The following NCOA1 variants were observed in gnomAD, a reference collection of about 807,000 sequenced individuals.
NCOA1 encodes Hin-2 protein.
NCOA1 carries 35 observed loss-of-function variants against 150.9 expected under a neutral mutation model. The observed-to-expected ratio is 0.23, with a 90% CI of 0.18 to 0.31. The LOEUF (loss-of-function observed/expected upper bound fraction) is 0.31. Ranked by LOEUF, NCOA1 falls within the 10% of genes least tolerant of loss-of-function variation. The pLI is 1.00. For missense variants in NCOA1, 1,491 were observed against 1,749.3 expected, an observed-to-expected ratio of 0.85 and a Z score of 2.63; for synonymous variants, 590 against 630.0, an observed-to-expected ratio of 0.94 and a Z score of 0.95.
At position 24,697,739 on chromosome 2, in the gene NCOA1, A is replaced by G. The variant is rs1389804437; in HGVS notation, c.890A>G (p.Tyr297Cys). Residue 297 changes from tyrosine (Y) to cysteine (C), a missense_variant, in exon 11 of 23, where the codon TAT (tyrosine) becomes TGT (cysteine). Physicochemically the swap from Tyr to Cys is radical, Grantham distance 194. Around this residue, in one of 8 missense-constraint regions of NCOA1, gnomAD observed 25 missense variants for 66.1 expected, o/e 0.38. Coordinates refer to ENST00000348332, the MANE Select transcript of NCOA1 (RefSeq NM_003743.5). ...GAAGATTTAGTGAGGAAGTGCATTT[A>G]TGCTTTTTTCCAACCTCAGGGCAGA... ...GWEDLVRKCI[Y>C]AFFQPQGREP... 6.2e-7 allele frequency: 1 copy of G among 1,613,800 alleles called. No homozygotes were observed. The highest frequency in any genetic ancestry group is 8.5e-7 in the Non-Finnish European group (1 of 1,179,756).
At chr2:24,621,411 GT>G (rs11312003) in intron 3 of NCOA1, among the ~76,000 whole-genome samples, 111,466 of 132,098 alleles carry the variant, frequency 0.84, 46,863 homozygotes, top group East Asian at 0.99. Flanking sequence ...CATTTTTTGT[GT>G]TATGTGTGTA....
At chr2:24,560,300 T>C (rs1193392060) in intron 1 of NCOA1, among the ~76,000 whole-genome samples, 6 of 152,136 alleles carry the variant, frequency 3.9e-5, no homozygotes, top group Non-Finnish European at 7.4e-5. Context: ...ACAGTTTGTG[T>C]GTAGTCTTTC....
intron 7 of NCOA1, among the ~76,000 whole-genome samples, chr2:24,681,188 A>T (rs1263019182): frequency 6.6e-6 from 1 of 151,974 alleles, no homozygotes; most frequent in Non-Finnish European, 1.5e-5. Context: ...ACATGGTAAA[A>T]CCCCATCTCT....
At chr2:24,524,070 TA>T (rs1664553768) in intron 1 of NCOA1, among the ~76,000 whole-genome samples, 1 of 151,968 alleles carries the variant, frequency 6.6e-6, no homozygotes, top group Non-Finnish European at 1.5e-5. Flanking sequence ...TGACAAATGA[TA>T]AACTTTGCAC....
intron 19 of NCOA1, among the ~76,000 whole-genome samples, chr2:24,751,350 A>G (rs1327144950): frequency 6.6e-6 from 1 of 150,640 alleles, no homozygotes; most frequent in East Asian, 2.0e-4. Flanking sequence ...TGGGAGGCCA[A>G]GGCGGGTGGA....
intron 2 of NCOA1, among the ~76,000 whole-genome samples, chr2:24,581,178 A>G (rs970197645): frequency 2.0e-5 from 3 of 152,182 alleles, no homozygotes; most frequent in African/African-American, 7.2e-5. Flanking sequence ...TGATGGTGAA[A>G]GGCCTGACTC....
intron 16 of NCOA1, 65 bp downstream of exon 16, chr2:24,728,541 C>A: frequency 7.0e-7 from 1 of 1,433,170 alleles, no homozygotes; most frequent in Non-Finnish European, 9.5e-7. Context: ...TTATTTTAAG[C>A]AAGATTTTAA....
Position 24,768,439 on chromosome 2 carries a change from T to A in NCOA1, c.*48T>A. ...TTTAAATAATAGACATACAGAGATA[T>A]ACAAATATATTATATATTTTTCTGA... is the stretch of plus-strand genomic sequence containing the variant. On this transcript the variant is annotated 3_prime_UTR_variant, in exon 23 of 23. Transcript: ENST00000348332. 1 of 1,222,286 alleles carries A rather than the reference T, an allele frequency of 8.2e-7. No homozygotes were observed. The highest frequency in any genetic ancestry group is 1.1e-6 in the Non-Finnish European group (1 of 943,706). 75.7% of individuals were successfully genotyped at this position (1,222,286 alleles called of 1,614,324 possible).
At chr2:24,611,405 G>C (rs527731119) in intron 3 of NCOA1, among the ~76,000 whole-genome samples, 10 of 152,116 alleles carry the variant, frequency 6.6e-5, no homozygotes, top group Middle Eastern at 3.2e-3. Flanking sequence ...TGCAGTGAAC[G>C]TAAGAGTACA....
At chr2:24,767,953 A>G (rs1012766371) in intron 22 of NCOA1, 3 of 845,328 alleles carry the variant, frequency 3.5e-6, no homozygotes, top group Non-Finnish European at 5.7e-6. Flanking sequence ...ATTAGCAATG[A>G]TACTCACTTT....
chr2:24,533,161 C>T (rs989264417), intron 1 of NCOA1, among the ~76,000 whole-genome samples: 3 of 152,080 alleles, frequency 2.0e-5, no homozygotes, highest in East Asian at 1.9e-4. Context: ...TTGAAGAGGT[C>T]CTTCACATCC....
chr2:24,595,734 T>G (rs1204076315), intron 3 of NCOA1, among the ~76,000 whole-genome samples: 1 of 152,082 alleles, frequency 6.6e-6, no homozygotes, highest in East Asian at 1.9e-4. Context: ...TTTTAGGGCC[T>G]TTTTAGCCTT....
At chr2:24,550,447 G>A (rs1052323763) in intron 1 of NCOA1, among the ~76,000 whole-genome samples, 3 of 152,180 alleles carry the variant, frequency 2.0e-5, no homozygotes, top group African/African-American at 7.2e-5. Flanking sequence ...ATCTTACATG[G>A]ATGGCAGCAG....
intron 2 of NCOA1, among the ~76,000 whole-genome samples, chr2:24,576,596 G>A (rs1032755405): frequency 6.6e-6 from 1 of 152,030 alleles, no homozygotes; most frequent in African/African-American, 2.4e-5. Flanking sequence ...GTATAAACTG[G>A]GACAACAAAT....
intron 3 of NCOA1, among the ~76,000 whole-genome samples, chr2:24,614,980 C>A (rs1668810684): frequency 6.6e-6 from 1 of 152,096 alleles, no homozygotes; most frequent in Non-Finnish European, 1.5e-5. Flanking sequence ...TAGAGATTAG[C>A]AAATCAAAGC....
intron 3 of NCOA1, among the ~76,000 whole-genome samples, chr2:24,616,564 A>G (rs1293731898): frequency 6.6e-6 from 1 of 152,196 alleles, no homozygotes; most frequent in East Asian, 1.9e-4. Flanking sequence ...AGGAAAATAA[A>G]TGAAGTTGGT....
chr2:24,626,145 T>C (rs1669397650), intron 3 of NCOA1, among the ~76,000 whole-genome samples: 1 of 152,208 alleles, frequency 6.6e-6, no homozygotes, highest in Non-Finnish European at 1.5e-5. Flanking sequence ...TTTCTCTATT[T>C]AATTTAGTCA....
chr2:24,631,564 C>T (rs1669711935), intron 3 of NCOA1, among the ~76,000 whole-genome samples: 1 of 151,960 alleles, frequency 6.6e-6, no homozygotes, highest in Non-Finnish European at 1.5e-5. Flanking sequence ...TACTTCCTTA[C>T]AAGAGAGAAC....
chr2:24,494,458 A>T (rs1286529613), intron 1 of NCOA1, among the ~76,000 whole-genome samples: 1 of 152,138 alleles, frequency 6.6e-6, no homozygotes, highest in Non-Finnish European at 1.5e-5. Flanking sequence ...GTGGCTTAAC[A>T]TAGTTTTCAT....
Sources: gnomAD v4.1 joint callset for allele counts (sites outside exome capture counted in the v4.1 genomes callset) on GRCh38, gnomAD v4.1.1 for gene constraint, gnomAD v4.1.1 regional missense constraint, MANE v1.5 for transcripts, NCBI Gene and HGNC (gene_info 2026-07-23, HGNC 2026-07-21) for gene names.